The following RECQL5 variants were observed in gnomAD, a reference collection of about 807,000 sequenced individuals.
The protein encoded by RECQL5 is RecQ like helicase 5, also known as ATP-dependent DNA helicase Q5.
A neutral mutation model predicts 103.4 loss-of-function variants in RECQL5; 88 were observed. That is an observed-to-expected ratio of 0.85 (90% CI 0.72 to 1.02). The LOEUF is 1.02. Ranked by LOEUF, RECQL5 falls within the 50% of genes least tolerant of loss-of-function variation. The probability of loss-of-function intolerance (pLI) is 0.00; values close to 1 mark genes in which losing one functional copy is unlikely to be tolerated. For missense variants in RECQL5, 1,232 were observed against 1,284.3 expected (o/e 0.96, Z 0.62); for synonymous variants, 552 against 507.9 (o/e 1.09, Z -1.17).
At chr17:75,666,136 A>C (rs540749224) in intron 2 of RECQL5, among the ~76,000 whole-genome samples, 106 of 152,224 alleles carry the variant, frequency 7.0e-4, no homozygotes, top group South Asian at 5.2e-3. Flanking sequence ...CTAAAACTAC[A>C]AGCTTTGGGC....
chr17:75,658,543 A>G, intron 6 of RECQL5, 83 bp from the exon 7 acceptor site: 1 of 1,332,572 alleles, frequency 7.5e-7, no homozygotes, highest in Non-Finnish European at 1.1e-6. Flanking sequence ...CTAGGAGAGC[A>G]GGGAGGCCAG....
chr17:75,657,697 G>GA (rs2059642296), intron 7 of RECQL5, among the ~76,000 whole-genome samples: 1 of 147,812 alleles, frequency 6.8e-6, no homozygotes, highest in Non-Finnish European at 1.5e-5. Flanking sequence ...TGTGAACCAT[G>GA]ACTATGCTAC....
intron 8 of RECQL5, chr17:75,634,006 G>A (rs1177482928): frequency 3.0e-6 from 3 of 985,456 alleles, no homozygotes; most frequent in Admixed American, 6.1e-5. Flanking sequence ...TCCCCCTCGC[G>A]ACGGTAATTT....
At chr17:75,656,988 C>A (rs1333918236) in intron 7 of RECQL5, among the ~76,000 whole-genome samples, 4 of 152,336 alleles carry the variant, frequency 2.6e-5, no homozygotes, top group African/African-American at 9.6e-5. Context: ...TCGTGATCCA[C>A]CCGCCTCGGC....
intron 15 of RECQL5, 49 bp downstream of exon 15, chr17:75,629,659 T>G: frequency 6.4e-7 from 1 of 1,562,336 alleles, no homozygotes; most frequent in Non-Finnish European, 8.7e-7. Flanking sequence ...AGAGGGGAAG[T>G]GAAGCCTTTC....
Position 75,662,795 on chromosome 17 carries a change from G to C in RECQL5, c.455C>G (p.Ser152Cys). Reference protein sequence around the residue: ...LNSLVSRHLLSYLVVDEAHCV... With the variant: ...LNSLVSRHLLCYLVVDEAHCV... ...ATGAGCTTCATCCACCACCAAGTAA[G>C]ACAGCAGGTGGCGGGACACCAGGGA... is the stretch of plus-strand genomic sequence containing the variant. The change falls in exon 4 of 20, where the codon TCT becomes TGT. Residue 152 changes from serine to cysteine, a missense_variant. By Grantham distance (112) the Ser-to-Cys change is moderately radical (BLOSUM62 -1). Coordinates refer to ENST00000317905, the MANE Select transcript of RECQL5 (RefSeq NM_004259.7). The C allele has an allele frequency of 6.2e-7, 1 of 1,614,146 alleles. No homozygotes were observed.
chr17:75,630,446 C>T, intron 13 of RECQL5, 169 bp from the exon 14 acceptor site: 1 of 875,708 alleles, frequency 1.1e-6, no homozygotes, highest in Non-Finnish European at 1.8e-6. Context: ...GCTGGTAGCA[C>T]CTAAGTTGTA....
chr17:75,629,686 A>G (rs2059170146), intron 15 of RECQL5, 22 bp downstream of exon 15: 2 of 1,592,064 alleles, frequency 1.3e-6, no homozygotes, highest in Non-Finnish European at 1.7e-6. Flanking sequence ...ACAGGTCTGG[A>G]GGCCACTGGG....
chr17:75,642,101 C>T (rs1568271491), intron 8 of RECQL5, among the ~76,000 whole-genome samples: 1 of 152,180 alleles, frequency 6.6e-6, no homozygotes, highest in Non-Finnish European at 1.5e-5. Context: ...ACTGGTCTTG[C>T]TGAGAAGCAG....
At position 75,633,898 on chromosome 17, in the gene RECQL5, G is replaced by A. The variant is rs547813274; in HGVS notation, c.1230-2230C>T. On this transcript the variant is annotated intron_variant, in intron 8 of 19. Transcript: ENST00000317905. ...GAGGAGGAGGAAGGAGGAGGAGAGA[G>A]GGAGCTTGTCTTGTCCCTGAGCAGC... The A allele has an allele frequency of 8.1e-6, 8 of 991,074 alleles. No homozygotes were observed. In the African/African-American group the frequency reaches 1.2e-4, roughly 15 times the overall value. 61.4% of individuals were successfully genotyped at this position (991,074 alleles called of 1,614,324 possible).
rs2059159590 is a variant in RECQL5, at chr17:75,629,163, C to T, written c.2260G>A (p.Ala754Thr). 1.9e-6 allele frequency: 3 copies of T among 1,613,808 alleles called. No homozygotes were observed. Among genetic ancestry groups the T allele is most frequent in the Non-Finnish European group, 2.5e-6 (3 of 1,180,014 alleles). The change falls in exon 16 of 20, where the codon GCC becomes ACC. Residue 754 changes from alanine (A) to threonine (T), a missense_variant. By Grantham distance (58) the Ala-to-Thr change is moderately conservative. Transcript: ENST00000317905. Reference protein sequence around the residue: ...GRASKKQQLLATAAHKDSQSI... With the variant: ...GRASKKQQLLTTAAHKDSQSI... ...TGAGAATCCTTGTGGGCCGCTGTGGCTAGGAGCTGCTGTTTCTTGCTAGCC... is the reference window on the plus strand; with the variant it reads ...TGAGAATCCTTGTGGGCCGCTGTGGTTAGGAGCTGCTGTTTCTTGCTAGCC...
rs748113692 is a variant in RECQL5, at chr17:75,661,594, G to T, written c.874+12C>A. The T allele has an allele frequency of 5.6e-6, 9 of 1,603,472 alleles. No homozygotes were observed. The South Asian group carries it at 8.8e-5, about 16-fold the overall frequency. Reference sequence around the variant, plus strand: ...AGGGTGAAGAGACTCAAGTGGCCTGGGTGCCCCTTACCTGCATGGTAAGCC... The same window carrying T: ...AGGGTGAAGAGACTCAAGTGGCCTGTGTGCCCCTTACCTGCATGGTAAGCC... On this transcript the variant is annotated intron_variant, in intron 5 of 19. Coordinates refer to ENST00000317905, the MANE Select transcript of RECQL5 (RefSeq NM_004259.7).
Position 75,658,432 on chromosome 17 carries a change from A to G in RECQL5, c.1015T>C (p.Ser339Pro). ...GACTCCTGGTAGTACCCAGCCATAGACTTGGCAATATTCCAATGGGCGACA... is the reference window on the plus strand; with the variant it reads ...GACTCCTGGTAGTACCCAGCCATAGGCTTGGCAATATTCCAATGGGCGACA... Reference protein sequence around the residue: ...RFVAHWNIAKSMAGYYQESGR... With the variant: ...RFVAHWNIAKPMAGYYQESGR... The change falls in exon 7 of 20, where the codon TCT becomes CCT. Residue 339 changes from serine (S) to proline (P), a missense_variant. Physicochemically the swap from Ser to Pro is moderately conservative, Grantham distance 74. Coordinates refer to ENST00000317905, the MANE Select transcript of RECQL5 (RefSeq NM_004259.7). 6.2e-7 allele frequency: 1 copy of G among 1,613,962 alleles called. No homozygotes were observed. The highest frequency in any genetic ancestry group is 8.5e-7 in the Non-Finnish European group (1 of 1,179,882).
chr17:75,666,713 G>A, intron 1 of RECQL5, 142 bp from the exon 2 acceptor site: 1 of 763,792 alleles, frequency 1.3e-6, no homozygotes, highest in African/African-American at 1.8e-5. Context: ...AAAGCTGAAG[G>A]TGAACTGCCT....
intron 8 of RECQL5, chr17:75,633,560 C>G: frequency 7.9e-7 from 1 of 1,273,166 alleles, no homozygotes; most frequent in South Asian, 1.3e-5. Context: ...CTGAGCGGCA[C>G]AAGGGCCTCC....
At position 75,667,126 on chromosome 17, in the gene RECQL5, A is replaced by T. The variant is rs1241272965; in HGVS notation, c.-97T>A. On this transcript the variant is annotated 5_prime_UTR_variant, in exon 1 of 20. The change creates a new upstream start codon in the 5' untranslated region. Transcript: ENST00000317905. ...TCGAAGACCCCTATACACAACCCCAACTCAGAGAAGCCAAAGCGCTGGGAA... is the reference window on the plus strand; with the variant it reads ...TCGAAGACCCCTATACACAACCCCATCTCAGAGAAGCCAAAGCGCTGGGAA... 3.8e-6 allele frequency: 2 copies of T among 526,848 alleles called. No individual in the cohort carries two copies. Among genetic ancestry groups the T allele is most frequent in the Non-Finnish European group, 6.8e-6 (2 of 294,742 alleles). 32.6% of individuals were successfully genotyped at this position (526,848 alleles called of 1,614,324 possible). A position where few individuals can be genotyped will look rare whatever the true frequency, so the allele number is the denominator to read the frequency against.
chr17:75,666,898 C>CACCT (rs2148355497), intron 1 of RECQL5, 146 bp downstream of exon 1: 1 of 276,524 alleles, frequency 3.6e-6, no homozygotes, highest in East Asian at 9.8e-5. Context: ...TAAGATCCAC[C>CACCT]ACCTGCTCCT....
Position 75,630,261 on chromosome 17 carries a change from T to G in RECQL5, c.1735A>C (p.Lys579Gln). The G allele has an allele frequency of 1.9e-6, 3 of 1,560,496 alleles. No homozygotes were observed. Among genetic ancestry groups the G allele is most frequent in the East Asian group, 2.4e-5 (1 of 42,312 alleles). ...GTCTCATGTTCCAGCTCCACGGCCTTGGCCCGGAGGTCAGCTCTGTGGGTG... is the reference window on the plus strand; with the variant it reads ...GTCTCATGTTCCAGCTCCACGGCCTGGGCCCGGAGGTCAGCTCTGTGGGTG... Reference protein sequence around the residue: ...RTADEADLRAKAVELEHETFR... With the variant: ...RTADEADLRAQAVELEHETFR... The change falls in exon 14 of 20, where the codon AAG (lysine) becomes CAG (glutamine). Residue 579 changes from lysine to glutamine, a missense_variant. Lys to Gln is a moderately conservative substitution (Grantham distance 53). Coordinates refer to ENST00000317905, the MANE Select transcript of RECQL5 (RefSeq NM_004259.7).
chr17:75,643,214 C>A (rs2059452945), intron 8 of RECQL5, among the ~76,000 whole-genome samples: 1 of 152,226 alleles, frequency 6.6e-6, no homozygotes, highest in Admixed American at 6.5e-5. Flanking sequence ...AGGGAAGCAG[C>A]CCAATTCCTG....
Sources: gnomAD v4.1 joint callset for allele counts (sites outside exome capture counted in the v4.1 genomes callset) on GRCh38, gnomAD v4.1.1 for gene constraint, MANE v1.5 for transcripts, NCBI Gene and HGNC (gene_info 2026-07-23, HGNC 2026-07-21) for gene names.